The following VPS13B variants were observed in gnomAD, a reference collection of about 807,000 sequenced individuals.
VPS13B encodes the protein intermembrane lipid transfer protein VPS13B.
A neutral mutation model predicts 426.4 loss-of-function variants in VPS13B; 285 were observed. The observed-to-expected ratio is 0.67, with a 90% CI of 0.61 to 0.74. VPS13B has a LOEUF of 0.74. Ranked by LOEUF, VPS13B falls within the 30% of genes least tolerant of loss-of-function variation. The probability of loss-of-function intolerance (pLI) is 0.00; values close to 1 mark genes in which losing one functional copy is unlikely to be tolerated. For missense variants in VPS13B, 4,537 were observed against 4,782.6 expected (o/e 0.95, Z 1.51); for synonymous variants, 1,676 against 1,676.4 (o/e 1.00, Z 0.01).
chr8:99,721,132 A>C, intron 39 of VPS13B, 85 bp downstream of exon 39: 1 of 1,357,722 alleles, frequency 7.4e-7, no homozygotes, highest in Admixed American at 1.7e-5. Flanking sequence ...GAACATACTT[A>C]CTTCTTACAT....
At chr8:99,622,398 G>A (rs920822924) in intron 33 of VPS13B, among the ~76,000 whole-genome samples, 1 of 152,140 alleles carries the variant, frequency 6.6e-6, no homozygotes, top group Non-Finnish European at 1.5e-5. Flanking sequence ...AAGAAGTTAT[G>A]AGCATATTTC....
At position 99,641,839 on chromosome 8, in the gene VPS13B, A is replaced by G. The variant is rs767031340; in HGVS notation, c.5249A>G (p.Asp1750Gly). 1.2e-6 allele frequency: 2 copies of G among 1,612,242 alleles called. No homozygotes were observed. The highest frequency in any genetic ancestry group is 3.3e-5 in the Admixed American group (2 of 59,800). Residue 1750 changes from aspartate (D) to glycine (G), a missense_variant, in exon 34 of 62, where the codon GAT becomes GGT. Physicochemically the swap from Asp to Gly is moderately conservative, Grantham distance 94 (BLOSUM62 -1). Transcript: ENST00000357162. Reference sequence around the variant, plus strand: ...TCTAAACAAGAACAGAAAAAAGTGGATATATTTGATGGAGGCATGGCTGAA... The same window carrying G: ...TCTAAACAAGAACAGAAAAAAGTGGGTATATTTGATGGAGGCATGGCTGAA... Reference protein sequence around the residue: ...EISKQEQKKVDIFDGGMAETS... With the variant: ...EISKQEQKKVGIFDGGMAETS...
intron 8 of VPS13B, among the ~76,000 whole-genome samples, chr8:99,126,018 GA>G (rs1212983644): frequency 6.6e-6 from 1 of 152,018 alleles, no homozygotes; most frequent in Non-Finnish European, 1.5e-5. Flanking sequence ...ATATAGGCAA[GA>G]GGGGGAGAAT....
chr8:99,662,533 A>G (rs1616204), intron 35 of VPS13B, among the ~76,000 whole-genome samples: 23,181 of 152,000 alleles, frequency 0.15, 2,246 homozygotes, highest in East Asian at 0.39. Context: ...TGTAGCCTCA[A>G]TCTCCTGGGC....
intron 2 of VPS13B, among the ~76,000 whole-genome samples, chr8:99,014,278 T>C (rs770549971): frequency 9.9e-5 from 15 of 151,596 alleles, no homozygotes; most frequent in Non-Finnish European, 2.1e-4. Flanking sequence ...CCACCACGCC[T>C]GGCTAATTTT....
intron 19 of VPS13B, among the ~76,000 whole-genome samples, chr8:99,358,217 G>T (rs1156743083): frequency 6.6e-6 from 1 of 152,176 alleles, no homozygotes; most frequent in Non-Finnish European, 1.5e-5. Context: ...AAGATGAATT[G>T]TGAGGAAACT....
chr8:99,193,621 A>G (rs1813727814), intron 17 of VPS13B, among the ~76,000 whole-genome samples: 1 of 152,180 alleles, frequency 6.6e-6, no homozygotes, highest in African/African-American at 2.4e-5. Flanking sequence ...TCAGTTCAAA[A>G]TAATAATGTT....
intron 21 of VPS13B, among the ~76,000 whole-genome samples, chr8:99,404,319 TAC>T (rs1348184334): frequency 6.6e-6 from 1 of 152,232 alleles, no homozygotes; most frequent in African/African-American, 2.4e-5. Flanking sequence ...AATTTTTTTT[TAC>T]AGTCTTTTCA....
chr8:99,739,198 T>C (rs1026432205), intron 39 of VPS13B, among the ~76,000 whole-genome samples: 1 of 152,042 alleles, frequency 6.6e-6, no homozygotes, highest in African/African-American at 2.4e-5. Flanking sequence ...GCTCGGAGGG[T>C]CCCATACCCG....
At chr8:99,344,766 A>G (rs972129635) in intron 19 of VPS13B, among the ~76,000 whole-genome samples, 3 of 149,484 alleles carry the variant, frequency 2.0e-5, no homozygotes, top group African/African-American at 2.5e-5. Context: ...ACAATTTTTT[A>G]TATTGCAGAT....
chr8:99,062,761 G>A (rs1161688649), intron 3 of VPS13B, among the ~76,000 whole-genome samples: 3 of 152,128 alleles, frequency 2.0e-5, no homozygotes, highest in Non-Finnish European at 2.9e-5. Flanking sequence ...AAGCCACCAC[G>A]CCTGGCCTAT....
intron 19 of VPS13B, 79 bp downstream of exon 19, chr8:99,275,333 ATAT>A: frequency 1.6e-6 from 2 of 1,273,760 alleles, no homozygotes; most frequent in African/African-American, 2.2e-5. Flanking sequence ...AAATTGGTAT[ATAT>A]TTTTTTTTTT....
intron 19 of VPS13B, among the ~76,000 whole-genome samples, chr8:99,375,540 C>T (rs1813438098): frequency 6.6e-6 from 1 of 152,192 alleles, no homozygotes; most frequent in African/African-American, 2.4e-5. Flanking sequence ...TTGATTTATA[C>T]TAAATTTGAC....
chr8:99,067,841 AT>A lies in VPS13B; in HGVS notation c.292-28470del, dbSNP rs554122287. 1.8e-3 allele frequency among the ~76,000 whole-genome samples: 268 copies of A among 152,268 alleles called. 1 individual carries two copies. Among genetic ancestry groups the A allele is most frequent in the African/African-American group, 6.3e-3 (262 of 41,560 alleles). On this transcript the variant is annotated intron_variant, in intron 3 of 61. Transcript: ENST00000357162. ...GTGCTTTACCGCAAATTTATCTGAAATGCATTCTTTTCTTCTTATACATTGA... is the reference window on the plus strand; with the variant it reads ...GTGCTTTACCGCAAATTTATCTGAAAGCATTCTTTTCTTCTTATACATTGA...
At chr8:99,524,658 G>A (rs903763648) in intron 30 of VPS13B, among the ~76,000 whole-genome samples, 2 of 152,146 alleles carry the variant, frequency 1.3e-5, no homozygotes, top group African/African-American at 4.8e-5. Context: ...GTCAGGTGTG[G>A]TGGCACACGC....
chr8:99,340,405 A>G, intron 19 of VPS13B: 1 of 464,286 alleles, frequency 2.2e-6, no homozygotes, highest in South Asian at 1.7e-5. Flanking sequence ...ATTCTGCTAA[A>G]AACTTCAGAA....
intron 17 of VPS13B, among the ~76,000 whole-genome samples, chr8:99,211,472 C>T (rs1815085769): frequency 6.6e-6 from 1 of 152,146 alleles, no homozygotes; most frequent in Admixed American, 6.5e-5. Context: ...CCTGGCAGGT[C>T]AGGATTTCCA....
chr8:99,356,241 A>G (rs956984953), intron 19 of VPS13B, among the ~76,000 whole-genome samples: 1 of 152,146 alleles, frequency 6.6e-6, no homozygotes, highest in African/African-American at 2.4e-5. Flanking sequence ...TAATATCTCA[A>G]AGAGTTCTGA....
At chr8:99,346,417 A>C (rs967228415) in intron 19 of VPS13B, 1 of 152,088 alleles carries the variant, frequency 6.6e-6, no homozygotes, top group African/African-American at 2.4e-5. Context: ...TCTGATAACC[A>C]TCTATCTGAT....
Sources: gnomAD v4.1 joint callset for allele counts (sites outside exome capture counted in the v4.1 genomes callset) on GRCh38, gnomAD v4.1.1 for gene constraint, MANE v1.5 for transcripts, NCBI Gene and HGNC (gene_info 2026-07-23, HGNC 2026-07-21) for gene names.